ITPR1: variants seen among roughly 807,000 people sequenced by gnomAD.
ITPR1 encodes the protein inositol 1,4,5-trisphosphate receptor type 1, also known as inositol 1,4,5-trisphosphate-gated calcium channel ITPR1.
Under a neutral mutation model 318.4 loss-of-function variants are expected in ITPR1, and 96 were observed. The ratio of observed to expected loss-of-function variants is 0.30; its 90% CI spans 0.26 to 0.36. The LOEUF (loss-of-function observed/expected upper bound fraction) is 0.36, where lower values mean the gene tolerates loss of function less well. ITPR1 is among the 10% of genes least tolerant of loss of function. The pLI, the probability that ITPR1 is intolerant of heterozygous loss-of-function variation, is 1.00. For synonymous variants in ITPR1, 1,312 were observed against 1,289.9 expected, an observed-to-expected ratio of 1.02 and a Z score of -0.37; for missense variants, 2,440 against 3,460.2, an observed-to-expected ratio of 0.71 and a Z score of 7.40.
intron 49 of ITPR1, 51 bp from the exon 50 acceptor site, chr3:4,782,568 G>A: frequency 6.4e-7 from 1 of 1,564,276 alleles, no homozygotes. Context: ...ATCCAGTCCT[G>A]TGTGGGTCTT....
chr3:4,541,737 T>G (rs2084472758), intron 4 of ITPR1, among the ~76,000 whole-genome samples: 1 of 152,110 alleles, frequency 6.6e-6, no homozygotes, highest in Non-Finnish European at 1.5e-5. Flanking sequence ...GCCGTTCTCC[T>G]GCCTCAGCCT....
At chr3:4,499,239 A>G (rs2080837314) in intron 2 of ITPR1, among the ~76,000 whole-genome samples, 2 of 152,178 alleles carry the variant, frequency 1.3e-5, no homozygotes, top group South Asian at 4.1e-4. Context: ...AACAAAACAA[A>G]ACAATTCAAC....
intron 59 of ITPR1, 24 bp from the exon 60 acceptor site, chr3:4,818,058 G>A (rs1252424730): frequency 7.6e-6 from 12 of 1,581,282 alleles, no homozygotes; most frequent in Non-Finnish European, 9.5e-6. Flanking sequence ...AGCTGGGGCT[G>A]GGGGCTTTTT....
chr3:4,781,021 C>T (rs1575220622), intron 49 of ITPR1, among the ~76,000 whole-genome samples: 1 of 152,244 alleles, frequency 6.6e-6, no homozygotes, highest in Non-Finnish European at 1.5e-5. Context: ...CCAAATAGAA[C>T]ACGTGTGTAC....
chr3:4,591,376 G>A (rs750205331), intron 4 of ITPR1, among the ~76,000 whole-genome samples: 2 of 152,130 alleles, frequency 1.3e-5, no homozygotes, highest in African/African-American at 2.4e-5. Context: ...TCTCCACAAC[G>A]TTGCCAGCAT....
intron 12 of ITPR1, among the ~76,000 whole-genome samples, chr3:4,655,959 C>G (rs528241981): frequency 4.6e-5 from 7 of 152,270 alleles, no homozygotes; most frequent in African/African-American, 1.7e-4. Flanking sequence ...GATGGAAAAC[C>G]TCGAATTTTT....
chr3:4,681,214 G>T, intron 25 of ITPR1, 150 bp from the exon 26 acceptor site: 1 of 629,698 alleles, frequency 1.6e-6, no homozygotes, highest in East Asian at 2.8e-5. Flanking sequence ...TGTCATCTGG[G>T]TTAGTCACTC....
chr3:4,783,815 G>C lies in ITPR1; in HGVS notation c.6511-1G>C. The C allele has an allele frequency of 6.3e-7, 1 of 1,597,698 alleles. No individual in the cohort carries two copies. Among genetic ancestry groups the C allele is most frequent in the Non-Finnish European group, 8.5e-7 (1 of 1,171,774 alleles). ...CCTGTATCTCTGTCCCTGTATTCTA[G>C]TTGGCTCGGCATAACAAAGAACTTC... is the stretch of plus-strand genomic sequence containing the variant. On this transcript the variant is annotated splice_acceptor_variant, in intron 50 of 61. Coordinates refer to ENST00000649015, the MANE Select transcript of ITPR1 (RefSeq NM_001378452.1). LOFTEE classifies it high-confidence loss of function.
At chr3:4,702,717 G>T (rs1323722141) in intron 35 of ITPR1, 113 bp from the exon 36 acceptor site, 1 of 1,156,970 alleles carries the variant, frequency 8.6e-7, no homozygotes, top group Non-Finnish European at 1.2e-6. Flanking sequence ...GGCAGTGTCT[G>T]TCTCTGATCT....
At chr3:4,600,234 AT>A (rs1479676148) in intron 4 of ITPR1, among the ~76,000 whole-genome samples, 1 of 152,116 alleles carries the variant, frequency 6.6e-6, no homozygotes, top group African/African-American at 2.4e-5. Flanking sequence ...CTCAAGGCAG[AT>A]TTTTGGACAT....
intron 44 of ITPR1, among the ~76,000 whole-genome samples, chr3:4,742,093 C>T (rs1234205849): frequency 6.6e-6 from 1 of 152,118 alleles, no homozygotes; most frequent in African/African-American, 2.4e-5. Context: ...CAAGGACCAG[C>T]TTGGCTCCTT....
intron 42 of ITPR1, among the ~76,000 whole-genome samples, chr3:4,730,646 G>A (rs1369272705): frequency 6.6e-6 from 1 of 151,968 alleles, no homozygotes; most frequent in African/African-American, 2.4e-5. Flanking sequence ...TTGCTTGATT[G>A]CAGACTGACC....
chr3:4,516,414 C>CT (rs1279904937), intron 2 of ITPR1, 62 bp from the exon 3 acceptor site: 11 of 912,832 alleles, frequency 1.2e-5, no homozygotes, highest in South Asian at 1.8e-5. Flanking sequence ...CTCTTAGTGA[C>CT]TTTTTTCCCC....
intron 51 of ITPR1, among the ~76,000 whole-genome samples, chr3:4,784,680 A>G (rs2047061077): frequency 6.7e-6 from 1 of 149,832 alleles, no homozygotes; most frequent in African/African-American, 2.5e-5. Context: ...CAGGAGTTCA[A>G]GACCAGCCTG....
In ITPR1 at chr3:4,609,454, T is replaced by C. The variant is rs146487766; in HGVS notation, c.164-18309T>C. On this transcript the variant is annotated intron_variant, in intron 4 of 61. Coordinates refer to ENST00000649015, the MANE Select transcript of ITPR1 (RefSeq NM_001378452.1). Reference sequence around the variant, plus strand: ...AGTAAGTCCTGATTCGTCTAATTAGTTGTTTCTTGTTGGGCTTAGGGTGGG... The same window carrying C: ...AGTAAGTCCTGATTCGTCTAATTAGCTGTTTCTTGTTGGGCTTAGGGTGGG... 1.7e-3 allele frequency among the ~76,000 whole-genome samples: 262 copies of C among 152,208 alleles called. 1 individual carries two copies. Among genetic ancestry groups the C allele is most frequent in the African/African-American group, 5.7e-3 (235 of 41,554 alleles).
intron 2 of ITPR1, among the ~76,000 whole-genome samples, chr3:4,503,175 AGGT>A: frequency 6.6e-6 from 1 of 152,230 alleles, no homozygotes; most frequent in South Asian, 2.1e-4. Context: ...ATAGCTTTTG[AGGT>A]GTTGTTCAGT....
chr3:4,545,990 T>A (rs2084957510), intron 4 of ITPR1, among the ~76,000 whole-genome samples: 1 of 152,144 alleles, frequency 6.6e-6, no homozygotes, highest in Non-Finnish European at 1.5e-5. Context: ...ACATGTGATC[T>A]TGAGCGAAAT....
Position 4,565,057 on chromosome 3 carries a change from CG to C in ITPR1, c.163+43965del, listed in dbSNP as rs746357264. 2.0e-5 allele frequency among the ~76,000 whole-genome samples: 3 copies of C among 152,144 alleles called. No individual in the cohort carries two copies. In the South Asian group the frequency reaches 6.2e-4, roughly 32 times the overall value. ...TTTTTGCTCAGACACCTGGAAGCCA[CG>C]GCCCCTTTTTTATTTAATAACATCT... On this transcript the variant is annotated intron_variant, in intron 4 of 61. Coordinates refer to ENST00000649015, the MANE Select transcript of ITPR1 (RefSeq NM_001378452.1).
At chr3:4,495,714 C>T (rs185114067) in intron 2 of ITPR1, among the ~76,000 whole-genome samples, 1 of 152,310 alleles carries the variant, frequency 6.6e-6, no homozygotes, top group East Asian at 1.9e-4. Context: ...GCGTCAGATG[C>T]AGGTGAAGAA....
Sources: gnomAD v4.1 joint callset for allele counts (sites outside exome capture counted in the v4.1 genomes callset) on GRCh38, gnomAD v4.1.1 for gene constraint, MANE v1.5 for transcripts, NCBI Gene and HGNC (gene_info 2026-07-23, HGNC 2026-07-21) for gene names.